The following SUGCT variants were observed in gnomAD, a reference collection of about 807,000 sequenced individuals.
The protein encoded by SUGCT is succinyl-CoA:glutarate CoA-transferase.
Under a neutral mutation model 55.0 loss-of-function variants are expected in SUGCT, and 41 were observed. That is an observed-to-expected ratio of 0.74 (90% CI 0.58 to 0.97). The LOEUF is 0.97. Among genes scored for constraint, SUGCT ranks in the 50% least tolerant of loss-of-function variants. The pLI, the probability that SUGCT is intolerant of heterozygous loss-of-function variation, is 0.00. For missense variants in SUGCT, 568 were observed against 547.8 expected (o/e 1.04, Z -0.37); for synonymous variants, 187 against 200.4 (o/e 0.93, Z 0.56).
chr7:40,386,016 G>A (rs1785106399), intron 9 of SUGCT, among the ~76,000 whole-genome samples: 1 of 152,112 alleles, frequency 6.6e-6, no homozygotes, highest in Non-Finnish European at 1.5e-5. Context: ...AATTACTACT[G>A]CCATTTTTAC....
At chr7:40,447,774 T>G (rs980899283) in intron 9 of SUGCT, among the ~76,000 whole-genome samples, 2 of 151,854 alleles carry the variant, frequency 1.3e-5, no homozygotes, top group Admixed American at 1.3e-4. Context: ...AGCCCAGGAG[T>G]AAGTCCAGTC....
chr7:40,244,654 A>G (rs1427682384), intron 7 of SUGCT, among the ~76,000 whole-genome samples: 1 of 152,206 alleles, frequency 6.6e-6, no homozygotes, highest in African/African-American at 2.4e-5. Context: ...AAAAACTAAG[A>G]AAACACAAAA....
At chr7:40,546,474 C>G (rs6950155) in intron 12 of SUGCT, among the ~76,000 whole-genome samples, 3,939 of 152,128 alleles carry the variant, frequency 0.026, 160 homozygotes, top group African/African-American at 0.092. Context: ...AAATTAAAGC[C>G]TGAAGTCCAA....
intron 7 of SUGCT, among the ~76,000 whole-genome samples, chr7:40,252,787 A>C (rs968291794): frequency 1.4e-4 from 21 of 152,116 alleles, no homozygotes; most frequent in Admixed American, 1.3e-3. Flanking sequence ...AGCTGGGACT[A>C]TACGCACATG....
chr7:40,325,643 A>G (rs1428689922), intron 9 of SUGCT, among the ~76,000 whole-genome samples: 1 of 151,950 alleles, frequency 6.6e-6, no homozygotes, highest in Non-Finnish European at 1.5e-5. Context: ...CGTCTCTACT[A>G]AAAAATACAA....
chr7:40,291,823 A>G (rs1323520096), intron 8 of SUGCT, among the ~76,000 whole-genome samples: 1 of 152,148 alleles, frequency 6.6e-6, no homozygotes, highest in Non-Finnish European at 1.5e-5. Flanking sequence ...CGATGTGATA[A>G]TGGTAGCAAG....
intron 12 of SUGCT, among the ~76,000 whole-genome samples, chr7:40,601,903 G>A (rs1464229784): frequency 6.6e-6 from 1 of 152,100 alleles, no homozygotes; most frequent in Non-Finnish European, 1.5e-5. Context: ...CAAATTCAAA[G>A]TGTATCTAAA....
intron 12 of SUGCT, among the ~76,000 whole-genome samples, chr7:40,726,108 A>C (rs1786599121): frequency 6.6e-6 from 1 of 152,072 alleles, no homozygotes; most frequent in South Asian, 2.1e-4. Context: ...ATTACAGTTA[A>C]CTCTTGAACA....
chr7:40,723,179 C>T (rs938125144), intron 12 of SUGCT, among the ~76,000 whole-genome samples: 1 of 151,982 alleles, frequency 6.6e-6, no homozygotes, highest in African/African-American at 2.4e-5. Flanking sequence ...CTTAGGCACT[C>T]AGCTGGCTCT....
chr7:40,167,851 A>C (rs1360249467), intron 1 of SUGCT, among the ~76,000 whole-genome samples: 14 of 152,182 alleles, frequency 9.2e-5, no homozygotes, highest in Non-Finnish European at 5.9e-5. Flanking sequence ...AGAGTGAGCC[A>C]AAGCTCAGTT....
chr7:40,170,766 T>C (rs1184742050), intron 1 of SUGCT, among the ~76,000 whole-genome samples: 1 of 150,350 alleles, frequency 6.7e-6, no homozygotes, highest in Non-Finnish European at 1.5e-5. Flanking sequence ...GCCTTTGCAC[T>C]CAGAGGTGAG....
intron 6 of SUGCT, among the ~76,000 whole-genome samples, chr7:40,210,295 T>G (rs1307480021): frequency 6.6e-6 from 1 of 151,788 alleles, no homozygotes; most frequent in East Asian, 1.9e-4. Context: ...ATCTGCCCAC[T>G]TTGGCCTCCC....
At chr7:40,925,736 A>G in the SUGCT span, among the ~76,000 whole-genome samples, 3 of 152,154 alleles carry the variant, frequency 2.0e-5, no homozygotes, top group Non-Finnish European at 4.4e-5. Flanking sequence ...TCACAATACA[A>G]ATTTATGGAA....
intron 9 of SUGCT, among the ~76,000 whole-genome samples, chr7:40,394,196 G>A (rs1312745063): frequency 6.6e-6 from 1 of 152,026 alleles, no homozygotes; most frequent in Non-Finnish European, 1.5e-5. Context: ...TAATGATGCC[G>A]AAGTCACTCT....
chr7:40,552,224 G>T (rs1239905990), intron 12 of SUGCT, among the ~76,000 whole-genome samples: 1 of 152,178 alleles, frequency 6.6e-6, no homozygotes, highest in African/African-American at 2.4e-5. Context: ...CATATGGAGA[G>T]AATTCTACTC....
chr7:40,186,083 C>CTTTT (rs1562561239), intron 3 of SUGCT, among the ~76,000 whole-genome samples: 8 of 150,686 alleles, frequency 5.3e-5, no homozygotes, highest in African/African-American at 1.7e-4. Context: ...CTTTCTTTCT[C>CTTTT]TCTTTTTCTT....
chr7:40,667,946 C>T (rs758705889), intron 12 of SUGCT, among the ~76,000 whole-genome samples: 33 of 151,878 alleles, frequency 2.2e-4, no homozygotes, highest in Non-Finnish European at 4.7e-4. Context: ...TTTCAGAAAG[C>T]AACTGAGAAA....
chr7:40,803,923 G>A (rs1790950804), intron 13 of SUGCT, among the ~76,000 whole-genome samples: 1 of 152,092 alleles, frequency 6.6e-6, no homozygotes, highest in African/African-American at 2.4e-5. Context: ...TGGAAGAGGA[G>A]GAAACGATTT....
At chr7:40,144,692 T>C (rs766889940) in intron 1 of SUGCT, among the ~76,000 whole-genome samples, 3 of 152,190 alleles carry the variant, frequency 2.0e-5, no homozygotes, top group Admixed American at 6.5e-5. Context: ...TTCTAAGAAA[T>C]TGATCTTTTG....
Sources: allele counts gnomAD v4.1 joint callset (sites outside exome capture counted in the v4.1 genomes callset), GRCh38; gene constraint gnomAD v4.1.1; transcripts MANE v1.5; gene names NCBI Gene and HGNC (gene_info 2026-07-23, HGNC 2026-07-21).